The following ANAPC16 variants were observed in gnomAD, a reference collection of about 807,000 sequenced individuals.
ANAPC16 encodes the protein anaphase promoting complex subunit 16, also known as anaphase-promoting complex subunit 16.
Under a neutral mutation model 13.1 loss-of-function variants are expected in ANAPC16, and 6 were observed. The ratio of observed to expected loss-of-function variants is 0.46; its 90% CI spans 0.25 to 0.90. ANAPC16 has a LOEUF of 0.90. ANAPC16 is among the 40% of genes least tolerant of loss of function. The pLI is 0.18. For missense variants in ANAPC16, 113 were observed against 131.1 expected, an observed-to-expected ratio of 0.86 and a Z score of 0.67; for synonymous variants, 55 against 51.3, an observed-to-expected ratio of 1.07 and a Z score of -0.31.
intron 2 of ANAPC16, among the ~76,000 whole-genome samples, chr10:72,227,848 T>A (rs1288067261): frequency 7.5e-5 from 11 of 146,674 alleles, no homozygotes; most frequent in African/African-American, 2.6e-4. Flanking sequence ...CTGACCAATA[T>A]GGTGAAACCC....
intron 1 of ANAPC16, chr10:72,216,802 A>G (rs1330865824): frequency 2.2e-6 from 1 of 456,006 alleles, no homozygotes; most frequent in Non-Finnish European, 4.4e-6. Flanking sequence ...GAGGATCTCC[A>G]CTGTCAGCCC....
intron 2 of ANAPC16, among the ~76,000 whole-genome samples, chr10:72,229,170 C>T (rs866595504): frequency 1.3e-5 from 2 of 150,480 alleles, no homozygotes; most frequent in African/African-American, 2.4e-5. Context: ...AACACTGTCT[C>T]TGAAGAATAC....
chr10:72,230,513 AT>A lies in ANAPC16; in HGVS notation c.217+74del. ...GGGGGTGGATGAGGCTGTGACAAAA[AT>A]CCCCAAACTCAGCAAGGCTATTTTA... On this transcript the variant is annotated intron_variant, in intron 3 of 3. Transcript: ENST00000299381. The A allele has an allele frequency of 3.9e-6, 5 of 1,288,068 alleles. No homozygotes were observed. The Admixed American group carries it at 8.7e-5, about 22-fold the overall frequency. The allele number at this position is 1,288,068 out of a possible 1,614,324, so 79.8% of individuals were successfully genotyped here. A position where few individuals can be genotyped will look rare whatever the true frequency, so the allele number is the denominator to read the frequency against.
At chr10:72,231,608 G>T (rs1860306752) in intron 3 of ANAPC16, among the ~76,000 whole-genome samples, 1 of 152,130 alleles carries the variant, frequency 6.6e-6, no homozygotes, top group Admixed American at 6.6e-5. Context: ...CCGGGCTGGA[G>T]TGCAATGGCA....
rs1322189767 is a variant in ANAPC16 at position 72,230,427 on chromosome 10, A to G, written c.204A>G (p.Lys68=). Residue 68 remains lysine (K), a synonymous_variant, in exon 3 of 4, where the codon AAA becomes AAG. Coordinates refer to ENST00000299381, the MANE Select transcript of ANAPC16 (RefSeq NM_173473.4). ...GCTATCAAGTGGCATCCACGCTTAA[A>G]CAGGTGAAACATGGTAAGCACATGA... is the stretch of plus-strand genomic sequence containing the variant. ...VFSYQVASTL[K]QVKHDQQVAR... The G allele has an allele frequency of 6.2e-7, 1 of 1,613,884 alleles. No individual in the cohort carries two copies. Among genetic ancestry groups the G allele is most frequent in the Non-Finnish European group, 8.5e-7 (1 of 1,179,930 alleles).
chr10:72,223,945 G>C lies in ANAPC16; in HGVS notation c.31G>C (p.Gly11Arg). Residue 11 changes from glycine to arginine, a missense_variant, in exon 2 of 4, where the codon GGT (glycine) becomes CGT (arginine). Physicochemically the swap from Gly to Arg is moderately radical, Grantham distance 125 (BLOSUM62 -2). Coordinates refer to ENST00000299381, the MANE Select transcript of ANAPC16 (RefSeq NM_173473.4). The stretch of plus-strand genomic sequence containing the variant: ...TGCTTCATCATCATCCTCCTCAGCT[G>C]GTGGGGTCAGTGGAAGTTCTGTCAC... The part of the protein sequence containing the change: MAASSSSSSA[G>R]GVSGSSVTGS... 6.2e-7 allele frequency: 1 copy of C among 1,609,250 alleles called. No homozygotes were observed. Among genetic ancestry groups the C allele is most frequent in the Non-Finnish European group, 8.5e-7 (1 of 1,176,276 alleles).
intron 1 of ANAPC16, among the ~76,000 whole-genome samples, chr10:72,221,726 ATTTTTTTT>A (rs58310763): frequency 3.0e-5 from 3 of 101,080 alleles, no homozygotes; most frequent in African/African-American, 1.1e-4. Context: ...ACCCAGCTAA[ATTTTTTTT>A]TTTTTTTTTT....
Position 72,233,331 on chromosome 10 carries a change from G to A in ANAPC16, c.*215G>A. 1 of 502,266 alleles carries A rather than the reference G, an allele frequency of 2.0e-6. No individual in the cohort carries two copies. The highest frequency in any genetic ancestry group is 2.6e-5 in the South Asian group (1 of 38,524). 31.1% of individuals were successfully genotyped at this position (502,266 alleles called of 1,614,324 possible). A position where few individuals can be genotyped will look rare whatever the true frequency, so the allele number is the denominator to read the frequency against. ...TGTTTATTTGTTTTTAAAAGTATTG[G>A]GAATCAGATTAAGACAATCAGTTTC... On this transcript the variant is annotated 3_prime_UTR_variant, in exon 4 of 4. Coordinates refer to ENST00000299381, the MANE Select transcript of ANAPC16 (RefSeq NM_173473.4).
chr10:72,221,979 C>T (rs1436434634), intron 1 of ANAPC16, among the ~76,000 whole-genome samples: 4 of 150,726 alleles, frequency 2.7e-5, no homozygotes, highest in Admixed American at 6.6e-5. Flanking sequence ...CCACCCGCCT[C>T]GGCCTCCCAA....
intron 2 of ANAPC16, 71 bp from the exon 3 acceptor site, chr10:72,230,295 A>T: frequency 8.4e-7 from 1 of 1,187,864 alleles, no homozygotes; most frequent in Admixed American, 1.7e-5. Flanking sequence ...AGAATAGACA[A>T]GTTTACTTGG....
In ANAPC16 at chr10:72,232,176, A is replaced by G. The variant is rs1203629505; in HGVS notation, c.218-825A>G. On this transcript the variant is annotated intron_variant, in intron 3 of 3. Transcript: ENST00000299381. ...ACTCCAGCCTGGGCAATAAGGGTGA[A>G]ACTCTGTCTCAAAAAAAAAAAAAAA... is the stretch of plus-strand genomic sequence containing the variant. Among the ~76,000 whole-genome samples, 9 of 144,924 alleles carry G rather than the reference A, an allele frequency of 6.2e-5. No individual in the cohort carries two copies. The South Asian group carries it at 1.8e-3, about 29-fold the overall frequency.
chr10:72,232,836 C>G (rs988987416), intron 3 of ANAPC16, among the ~76,000 whole-genome samples, 165 bp from the exon 4 acceptor site: 1 of 152,014 alleles, frequency 6.6e-6, no homozygotes, highest in African/African-American at 2.4e-5. Flanking sequence ...GATCTCTTGA[C>G]CTCGTGATCC....
At chr10:72,218,980 T>G (rs1859789480) in intron 1 of ANAPC16, among the ~76,000 whole-genome samples, 1 of 152,236 alleles carries the variant, frequency 6.6e-6, no homozygotes, top group African/African-American at 2.4e-5. Flanking sequence ...TGTGGCTACC[T>G]TTTGAAGCTG....
chr10:72,225,777 C>T (rs1279953772), intron 2 of ANAPC16, among the ~76,000 whole-genome samples: 1 of 151,336 alleles, frequency 6.6e-6, no homozygotes, highest in East Asian at 2.0e-4. Flanking sequence ...TGGCGCATGC[C>T]TGTAGTCCAG....
chr10:72,231,758 T>C lies in ANAPC16; in HGVS notation c.218-1243T>C, dbSNP rs1860312047. ...TTTTAGTAGAGATGGGGTTTCACCA[T>C]GTTGGCCAGGATGGTCTTGATCTCT... On this transcript the variant is annotated intron_variant, in intron 3 of 3. Transcript: ENST00000299381. Among the ~76,000 whole-genome samples the C allele has an allele frequency of 2.0e-5, 3 of 151,944 alleles. 1 individual carries two copies. The South Asian group carries it at 6.3e-4, about 32-fold the overall frequency.
In ANAPC16 at chr10:72,235,446, G is replaced by C. The variant is rs991360164; in HGVS notation, c.*2330G>C. ...CAGCCTGAGCAACAAGAGCGAAACTGTCTCAAAAAAAAGAAGAAAATAAAT... is the reference window on the plus strand; with the variant it reads ...CAGCCTGAGCAACAAGAGCGAAACTCTCTCAAAAAAAAGAAGAAAATAAAT... On this transcript the variant is annotated 3_prime_UTR_variant, in exon 4 of 4. Coordinates refer to ENST00000299381, the MANE Select transcript of ANAPC16 (RefSeq NM_173473.4). 63 of 152,012 alleles carry C rather than the reference G, an allele frequency of 4.1e-4. No homozygotes were observed. Among genetic ancestry groups the C allele is most frequent in the African/African-American group, 1.4e-3 (59 of 41,384 alleles). The allele number at this position is 152,012 out of a possible 1,614,324, so 9.4% of individuals were successfully genotyped here.
chr10:72,216,691 A>G, intron 1 of ANAPC16: 2 of 378,346 alleles, frequency 5.3e-6, no homozygotes, highest in South Asian at 1.9e-5. Context: ...ATTCATAAAT[A>G]TATGAATGCG....
chr10:72,232,069 C>G (rs1290629493), intron 3 of ANAPC16, among the ~76,000 whole-genome samples: 1 of 150,546 alleles, frequency 6.6e-6, no homozygotes, highest in Non-Finnish European at 1.5e-5. Flanking sequence ...GCCTGTAATT[C>G]CAGCTACTCG....
chr10:72,231,626 G>T (rs554473579), intron 3 of ANAPC16, among the ~76,000 whole-genome samples: 1 of 152,070 alleles, frequency 6.6e-6, no homozygotes, highest in East Asian at 1.9e-4. Flanking sequence ...GCATGATCGC[G>T]GCTCACTGCA....
Sources: allele counts gnomAD v4.1 joint callset (sites outside exome capture counted in the v4.1 genomes callset), GRCh38; gene constraint gnomAD v4.1.1; transcripts MANE v1.5; gene names NCBI Gene and HGNC (gene_info 2026-07-23, HGNC 2026-07-21).